CHRDL1: variants seen among roughly 807,000 people sequenced by gnomAD.
CHRDL1 encodes the protein chordin like 1, also known as chordin-like protein 1.
CHRDL1 carries 19 observed loss-of-function variants against 40.9 expected under a neutral mutation model. That is an observed-to-expected ratio of 0.46 (90% confidence interval 0.32 to 0.68). The LOEUF (loss-of-function observed/expected upper bound fraction) is 0.68. Among genes scored for constraint, CHRDL1 ranks in the 30% least tolerant of loss-of-function variants. The probability of loss-of-function intolerance (pLI) is 0.03; values close to 1 mark genes in which losing one functional copy is unlikely to be tolerated. For missense variants in CHRDL1, 329 were observed against 352.1 expected (o/e 0.93, Z 0.53); for synonymous variants, 136 against 123.4 (o/e 1.10, Z -0.68).
At chrX:110,759,640 G>C in intron 4 of CHRDL1, 21 bp downstream of exon 4, 1 of 1,084,217 alleles carries the variant, frequency 9.2e-7, no homozygotes, top group Non-Finnish European at 1.3e-6. Flanking sequence ...AGCTAGGAAA[G>C]AAAGAGACAA....
intron 4 of CHRDL1, among the ~76,000 whole-genome samples, chrX:110,733,289 G>C (rs1316229227): frequency 9.0e-6 from 1 of 111,310 alleles, no homozygotes; most frequent in African/African-American, 3.3e-5. Context: ...GGCCCAGCCA[G>C]GGTCATGAAG....
intron 2 of CHRDL1, among the ~76,000 whole-genome samples, chrX:110,765,654 T>C (rs972505041): frequency 8.9e-6 from 1 of 111,890 alleles, no homozygotes; most frequent in Admixed American, 9.5e-5. Flanking sequence ...CATTGGTCTA[T>C]ATGCCTATTT....
At chrX:110,696,988 G>A (rs984950388) in intron 7 of CHRDL1, among the ~76,000 whole-genome samples, 1 of 111,242 alleles carries the variant, frequency 9.0e-6, no homozygotes, top group South Asian at 3.8e-4. Flanking sequence ...TTGTAACTCA[G>A]AGCAAAGGAG....
chrX:110,779,753 A>G (rs1367178808), intron 2 of CHRDL1, among the ~76,000 whole-genome samples: 1 of 111,229 alleles, frequency 9.0e-6, no homozygotes, highest in Non-Finnish European at 1.9e-5. Context: ...ATTGTATTGC[A>G]TCTATTCATC....
At chrX:110,773,500 G>A (rs1390897539) in intron 2 of CHRDL1, among the ~76,000 whole-genome samples, 2 of 110,375 alleles carry the variant, frequency 1.8e-5, no homozygotes, top group Admixed American at 9.6e-5. Flanking sequence ...AGGCCGAGGC[G>A]GGCGAATCAC....
At chrX:110,732,968 CA>C (rs2071194379) in intron 4 of CHRDL1, among the ~76,000 whole-genome samples, 1 of 111,816 alleles carries the variant, frequency 8.9e-6, no homozygotes, top group Non-Finnish European at 1.9e-5. Flanking sequence ...TTATAAAGAA[CA>C]AAAATGATTA....
chrX:110,742,787 T>C (rs1174241334), intron 4 of CHRDL1, among the ~76,000 whole-genome samples: 1 of 111,568 alleles, frequency 9.0e-6, no homozygotes, highest in East Asian at 2.8e-4. Context: ...AGTTACAGAG[T>C]CTTTCGCAGT....
rs752756101 is a variant in CHRDL1, at chrX:110,687,332, G to A, written c.988+1262C>T. On this transcript the variant is annotated intron_variant, in intron 9 of 11. Coordinates refer to ENST00000372042, the MANE Select transcript of CHRDL1 (RefSeq NM_001143981.2). Reference sequence around the variant, plus strand: ...ATCTTTTAAAAATGCCACAGCCCAGGCCACACCTCAAATCAATTAAATTAT... The same window carrying A: ...ATCTTTTAAAAATGCCACAGCCCAGACCACACCTCAAATCAATTAAATTAT... Among the ~76,000 whole-genome samples the A allele has an allele frequency of 1.6e-4, 18 of 111,125 alleles. No individual in the cohort carries two copies. The South Asian group carries it at 5.0e-3, about 31-fold the overall frequency.
intron 4 of CHRDL1, among the ~76,000 whole-genome samples, chrX:110,733,931 CAAAAAAAAAAAAAA>C (rs1172760631): frequency 1.6e-4 from 2 of 12,127 alleles, no homozygotes; most frequent in African/African-American, 4.3e-4. Context: ...AACTCTGTCT[CAAAAAAAAAAAAAA>C]AAAAAAAAAA....
At chrX:110,685,647 G>T (rs2069994922) in intron 9 of CHRDL1, among the ~76,000 whole-genome samples, 1 of 111,505 alleles carries the variant, frequency 9.0e-6, no homozygotes, top group East Asian at 2.8e-4. Flanking sequence ...CAAATACATT[G>T]CAAACATCTT....
intron 5 of CHRDL1, among the ~76,000 whole-genome samples, chrX:110,720,660 T>C (rs1303063680): frequency 8.9e-6 from 1 of 111,788 alleles, no homozygotes; most frequent in African/African-American, 3.3e-5. Flanking sequence ...GGGAAGAGAT[T>C]CTATAGCTTC....
chrX:110,745,277 A>G (rs910825585), intron 4 of CHRDL1, among the ~76,000 whole-genome samples: 1 of 111,506 alleles, frequency 9.0e-6, no homozygotes, highest in Non-Finnish European at 1.9e-5. Flanking sequence ...GATATGAGGG[A>G]CTGCAAGAGA....
chrX:110,697,017 C>G (rs1301999837), intron 7 of CHRDL1, among the ~76,000 whole-genome samples: 1 of 111,318 alleles, frequency 9.0e-6, no homozygotes, highest in African/African-American at 3.3e-5. Context: ...TATTAACGCC[C>G]TGAAGTTGTA....
chrX:110,685,167 T>G (rs1444942700), intron 9 of CHRDL1, among the ~76,000 whole-genome samples: 1 of 112,393 alleles, frequency 8.9e-6, no homozygotes, highest in Non-Finnish European at 1.9e-5. Context: ...TACCCATAAT[T>G]CAGTCACAAG....
At chrX:110,710,905 C>T (rs751479305) in intron 6 of CHRDL1, among the ~76,000 whole-genome samples, 30 of 111,508 alleles carry the variant, frequency 2.7e-4, no homozygotes, top group Middle Eastern at 4.7e-3. Context: ...TATCAATACA[C>T]AGTCGTCCCT....
intron 2 of CHRDL1, among the ~76,000 whole-genome samples, chrX:110,776,569 T>C (rs1040559701): frequency 4.5e-5 from 5 of 111,523 alleles, no homozygotes; most frequent in Non-Finnish European, 7.6e-5. Context: ...CTTTCTTTGC[T>C]TGCAGTTGCT....
intron 6 of CHRDL1, among the ~76,000 whole-genome samples, chrX:110,712,228 G>C (rs1217510975): frequency 8.9e-6 from 1 of 112,330 alleles, no homozygotes; most frequent in Non-Finnish European, 1.9e-5. Flanking sequence ...ATGAGAACTA[G>C]AGTGATTGGG....
chrX:110,701,057 G>C (rs2070503138), intron 6 of CHRDL1, among the ~76,000 whole-genome samples: 1 of 111,975 alleles, frequency 8.9e-6, no homozygotes, highest in African/African-American at 3.2e-5. Flanking sequence ...GTGTTTTGCA[G>C]GTCATAATTC....
intron 2 of CHRDL1, among the ~76,000 whole-genome samples, chrX:110,777,137 T>C (rs763475059): frequency 1.1e-4 from 12 of 111,446 alleles, no homozygotes; most frequent in African/African-American, 3.6e-4. Flanking sequence ...CTTAGTAATA[T>C]GCATTTACAT....
Sources: allele counts gnomAD v4.1 joint callset (sites outside exome capture counted in the v4.1 genomes callset), GRCh38; gene constraint gnomAD v4.1.1; transcripts MANE v1.5; gene names NCBI Gene and HGNC (gene_info 2026-07-23, HGNC 2026-07-21).